The following MAP3K15 variants were observed in gnomAD, a reference collection of about 807,000 sequenced individuals.
The protein encoded by MAP3K15 is mitogen-activated protein kinase kinase kinase 15.
MAP3K15 carries 124 observed loss-of-function variants against 99.5 expected under a neutral mutation model. The ratio of observed to expected loss-of-function variants is 1.25; its 90% CI spans 1.08 to 1.45. MAP3K15 has a LOEUF of 1.45. MAP3K15 is among the 40% of genes most tolerant of loss of function. The pLI is 0.00. For synonymous variants in MAP3K15, 494 were observed against 439.6 expected, an observed-to-expected ratio of 1.12 and a Z score of -1.55; for missense variants, 1,242 against 1,079.7, an observed-to-expected ratio of 1.15 and a Z score of -2.11.
intron 9 of MAP3K15, among the ~76,000 whole-genome samples, chrX:19,415,567 C>G (rs2063727463): frequency 8.9e-6 from 1 of 111,818 alleles, no homozygotes; most frequent in Admixed American, 9.6e-5. Flanking sequence ...ATAACAAGGG[C>G]AGGCACAGCT....
intron 25 of MAP3K15, among the ~76,000 whole-genome samples, chrX:19,365,068 G>A (rs2063324989): frequency 9.1e-6 from 1 of 109,438 alleles, no homozygotes; most frequent in Admixed American, 9.8e-5. Context: ...GCCAGTTGTG[G>A]TGGCGTGCGC....
intron 6 of MAP3K15, among the ~76,000 whole-genome samples, chrX:19,435,968 A>G (rs2147319716): frequency 9.0e-6 from 1 of 111,571 alleles, no homozygotes; most frequent in South Asian, 3.7e-4. Context: ...AGCCTGGCCA[A>G]CATGGTGAAA....
intron 5 of MAP3K15, among the ~76,000 whole-genome samples, chrX:19,457,938 C>CA (rs1436329182): frequency 9.0e-6 from 1 of 111,625 alleles, no homozygotes; most frequent in Non-Finnish European, 1.9e-5. Context: ...CAGACACTGC[C>CA]AAAAAAGTCC....
chrX:19,464,224 G>C lies in MAP3K15; in HGVS notation c.708C>G (p.His236Gln). 1.7e-6 allele frequency: 2 copies of C among 1,196,686 alleles called. No homozygotes were observed. Among genetic ancestry groups the C allele is most frequent in the Middle Eastern group, 2.3e-4 (1 of 4,338 alleles). Residue 236 changes from histidine (H) to glutamine (Q), a missense_variant, in exon 4 of 29, where the codon CAC becomes CAG. Coordinates refer to ENST00000338883, the MANE Select transcript of MAP3K15 (RefSeq NM_001001671.4). ...CAGATGGGAATTACCATGAGGTCACGTGGATGTCCTTAAGGAGGCTAATGA... is the reference window on the plus strand; with the variant it reads ...CAGATGGGAATTACCATGAGGTCACCTGGATGTCCTTAAGGAGGCTAATGA... ...DRFISLLKDI[H>Q]VTSCVYYKET... is the part of the protein sequence containing the mutation.
chrX:19,382,090 T>C (rs1187742261), intron 18 of MAP3K15, among the ~76,000 whole-genome samples: 1 of 109,909 alleles, frequency 9.1e-6, no homozygotes, highest in Non-Finnish European at 1.9e-5. Flanking sequence ...ACTAAAAATA[T>C]AAAAATGCAA....
chrX:19,362,699 G>T, intron 26 of MAP3K15, 39 bp downstream of exon 26: 2 of 806,792 alleles, frequency 2.5e-6, no homozygotes, highest in South Asian at 2.2e-5. Flanking sequence ...TAGAATATTA[G>T]CTAGATGTTA....
intron 9 of MAP3K15, among the ~76,000 whole-genome samples, chrX:19,420,993 TA>T (rs2063779573): frequency 9.0e-6 from 1 of 111,529 alleles, no homozygotes; most frequent in African/African-American, 3.3e-5. Flanking sequence ...CGCTTCATGC[TA>T]AAAACTCTCA....
In MAP3K15 at chrX:19,373,709, G is replaced by T. The variant is rs2063397367; in HGVS notation, c.2774-14C>A. 5.9e-6 allele frequency: 7 copies of T among 1,192,198 alleles called. No individual in the cohort carries two copies. The highest frequency in any genetic ancestry group is 6.7e-6 in the Non-Finnish European group (6 of 891,725). ...CGCGGGGACCTTCTGTAGGGGGACA[G>T]CCAGACACCGAATGGGGAGACTCAG... On this transcript the variant is annotated splice_polypyrimidine_tract_variant and intron_variant, in intron 20 of 28. Coordinates refer to ENST00000338883, the MANE Select transcript of MAP3K15 (RefSeq NM_001001671.4).
At chrX:19,371,998 T>G (rs746755109) in intron 22 of MAP3K15, among the ~76,000 whole-genome samples, 1 of 109,368 alleles carries the variant, frequency 9.1e-6, no homozygotes, top group South Asian at 4.0e-4. Context: ...CTGGGTGTGG[T>G]GGCAGGCGCT....
chrX:19,513,017 G>C (rs1435860759), intron 1 of MAP3K15, among the ~76,000 whole-genome samples: 1 of 111,496 alleles, frequency 9.0e-6, no homozygotes, highest in Non-Finnish European at 1.9e-5. Flanking sequence ...CCCACTTACT[G>C]TGTATGTACT....
intron 4 of MAP3K15, among the ~76,000 whole-genome samples, chrX:19,461,992 AACACACACACACACACAC>A (rs66666219): frequency 0.055 from 5,504 of 100,570 alleles, 397 homozygotes; most frequent in African/African-American, 0.19. Flanking sequence ...CTTGGTCTAA[AACACACACACACACACAC>A]ACACACACAC....
chrX:19,374,474 C>T lies in MAP3K15; in HGVS notation c.2773+3G>A. 1 of 1,209,535 alleles carries T rather than the reference C, an allele frequency of 8.3e-7. No homozygotes were observed. The highest frequency in any genetic ancestry group is 1.1e-6 in the Non-Finnish European group (1 of 894,224). On this transcript the variant is annotated splice_donor_region_variant and intron_variant, in intron 20 of 28. Transcript: ENST00000338883. Reference sequence around the variant, plus strand: ...CTGCCCCAGCTGTCCAGGGAGGCCTCACCTGAGGGCTTGAAGGCAATTCGG... The same window carrying T: ...CTGCCCCAGCTGTCCAGGGAGGCCTTACCTGAGGGCTTGAAGGCAATTCGG...
At chrX:19,400,539 T>C in intron 14 of MAP3K15, 37 bp downstream of exon 14, 1 of 993,769 alleles carries the variant, frequency 1.0e-6, no homozygotes, top group South Asian at 2.0e-5. Context: ...GAACACACAA[T>C]CAATGTTTTC....
At chrX:19,453,197 G>C (rs1240091629) in intron 6 of MAP3K15, among the ~76,000 whole-genome samples, 1 of 110,954 alleles carries the variant, frequency 9.0e-6, no homozygotes, top group South Asian at 3.8e-4. Context: ...GTATTTTTTT[G>C]CTACAATAAA....
intron 1 of MAP3K15, among the ~76,000 whole-genome samples, chrX:19,504,428 G>A (rs1433873228): frequency 9.0e-6 from 1 of 111,133 alleles, no homozygotes; most frequent in Non-Finnish European, 1.9e-5. Flanking sequence ...ATGAAGAAAT[G>A]TGGAAGAACA....
In MAP3K15 at chrX:19,398,358, T is replaced by C. The variant is rs375445657; in HGVS notation, c.1934A>G (p.Tyr645Cys). The C allele has an allele frequency of 3.3e-5, 40 of 1,208,644 alleles. No individual in the cohort carries two copies. The highest frequency in any genetic ancestry group is 4.4e-5 in the Non-Finnish European group (39 of 894,717). ...EGETDGDTLE[Y>C]EYDHDANGER... The stretch of plus-strand genomic sequence containing the variant: ...ACCATTTGCATCATGGTCATACTCA[T>C]ACTGAAGAAGGAAAAACAAAAGGAC... Residue 645 changes from tyrosine to cysteine, a missense_variant and splice_region_variant, in exon 15 of 29, where the codon TAT becomes TGT. Physicochemically the swap from Tyr to Cys is radical, Grantham distance 194. Coordinates refer to ENST00000338883, the MANE Select transcript of MAP3K15 (RefSeq NM_001001671.4).
At chrX:19,466,817 G>A (rs1254299210) in intron 3 of MAP3K15, 1 of 111,645 alleles carries the variant, frequency 9.0e-6, no homozygotes, top group African/African-American at 3.3e-5. Flanking sequence ...GGAAGTGTAA[G>A]GAGCTTCCCA....
At chrX:19,446,943 C>A (rs2064002607) in intron 6 of MAP3K15, among the ~76,000 whole-genome samples, 1 of 110,756 alleles carries the variant, frequency 9.0e-6, no homozygotes. Flanking sequence ...TGAGACAGGG[C>A]CTGGCTCTGT....
rs772987834 is a variant in MAP3K15, at chrX:19,400,576, C to T, written c.1932G>A (p.Glu644=). 8 of 1,190,944 alleles carry T rather than the reference C, an allele frequency of 6.7e-6. No individual in the cohort carries two copies. The South Asian group carries it at 1.2e-4, about 19-fold the overall frequency. The change falls in exon 14 of 29, where the codon GAG becomes GAA. Residue 644 remains glutamate (E), a splice_region_variant and synonymous_variant. Transcript: ENST00000338883. Reference sequence around the variant, plus strand: ...ATATTCTAGATCGTCCATGACTCACCTCCAAGGTGTCTCCATCGGTCTCTC... The same window carrying T: ...ATATTCTAGATCGTCCATGACTCACTTCCAAGGTGTCTCCATCGGTCTCTC... The part of the protein sequence containing the change: ...LEGETDGDTL[E]YEYDHDANGE...
Sources: gnomAD v4.1 joint callset for allele counts (sites outside exome capture counted in the v4.1 genomes callset) on GRCh38, gnomAD v4.1.1 for gene constraint, MANE v1.5 for transcripts, NCBI Gene and HGNC (gene_info 2026-07-23, HGNC 2026-07-21) for gene names.